The following ATXN1 variants were observed in gnomAD, a reference collection of about 807,000 sequenced individuals.
The protein encoded by ATXN1 is ataxin-1.
A neutral mutation model predicts 56.4 loss-of-function variants in ATXN1; 8 were observed. The ratio of observed to expected loss-of-function variants is 0.14; its 90% confidence interval spans 0.08 to 0.26. The LOEUF (loss-of-function observed/expected upper bound fraction) is 0.26, where lower values mean the gene tolerates loss of function less well. Ranked by LOEUF, ATXN1 falls within the 10% of genes least tolerant of loss-of-function variation. The probability of loss-of-function intolerance (pLI) is 1.00; values close to 1 mark genes in which losing one functional copy is unlikely to be tolerated. For synonymous variants in ATXN1, 514 were observed against 494.6 expected, an observed-to-expected ratio of 1.04 and a Z score of -0.52; for missense variants, 987 against 1,106.5, an observed-to-expected ratio of 0.89 and a Z score of 1.53.
chr6:16,755,945 T>G (rs1760874406), intron 1 of ATXN1, among the ~76,000 whole-genome samples: 1 of 152,154 alleles, frequency 6.6e-6, no homozygotes, highest in Non-Finnish European at 1.5e-5. Context: ...GAAACATTTC[T>G]GCTAACATGA....
chr6:16,687,562 T>A (rs1257852302), intron 2 of ATXN1, among the ~76,000 whole-genome samples: 1 of 149,116 alleles, frequency 6.7e-6, no homozygotes, highest in Non-Finnish European at 1.5e-5. Flanking sequence ...GTAGAAAAAG[T>A]TTAGAAACGG....
Position 16,394,510 on chromosome 6 carries a change from G to A in ATXN1, c.-160-66040C>T, listed in dbSNP as rs189494832. The stretch of plus-strand genomic sequence containing the variant: ...ATATATTGTGTAATGATCAATTCAC[G>A]GTAATTAGCATATTTTTCACTTCAA... On this transcript the variant is annotated intron_variant, in intron 6 of 7. Transcript: ENST00000436367. Among the ~76,000 whole-genome samples, 12 of 152,052 alleles carry A rather than the reference G, an allele frequency of 7.9e-5. No individual in the cohort carries two copies. In the East Asian group the frequency reaches 9.6e-4, roughly 12 times the overall value.
At chr6:16,564,552 C>T (rs1348450984) in intron 4 of ATXN1, among the ~76,000 whole-genome samples, 1 of 152,180 alleles carries the variant, frequency 6.6e-6, no homozygotes, top group East Asian at 1.9e-4. Flanking sequence ...CTGATGTATG[C>T]TGAAATGTGG....
chr6:16,328,144 C>T lies in ATXN1; in HGVS notation c.167G>A (p.Gly56Glu), dbSNP rs1461624485. The T allele has an allele frequency of 3.8e-6, 6 of 1,581,378 alleles. No homozygotes were observed. Among genetic ancestry groups the T allele is most frequent in the East Asian group, 2.2e-5 (1 of 44,466 alleles). The change falls in exon 7 of 8, where the codon GGG becomes GAG. Residue 56 changes from glycine to glutamate, a missense_variant. Physicochemically the swap from Gly to Glu is moderately conservative, Grantham distance 98 (BLOSUM62 -2). Coordinates refer to ENST00000436367, the MANE Select transcript of ATXN1 (RefSeq NM_001128164.2). This position sits in a 1 kb window ranked among gnomAD's most constrained non-coding sequence, Gnocchi z 6.2. ...LPGNPGGRGH[G>E]GGRHGPAGTS... ...CCCTGCCGGCCCATGCCTCCCGCCC[C>T]CGTGGCCCCGGCCACCAGGGTTGCC...
chr6:16,355,761 A>G (rs980541575), intron 6 of ATXN1, among the ~76,000 whole-genome samples: 3 of 152,004 alleles, frequency 2.0e-5, no homozygotes, highest in African/African-American at 7.2e-5. Context: ...ACGGGGTTTC[A>G]CCGTATTGGC....
At position 16,327,152 on chromosome 6, in the gene ATXN1, T is replaced by G; in HGVS notation, c.1159A>C (p.Asn387His). The change falls in exon 7 of 8, where the codon AAC (asparagine) becomes CAC (histidine). Residue 387 changes from asparagine to histidine, a missense_variant. This residue lies in a region of ATXN1 where 723 missense variants were observed against 791.7 expected (regional missense o/e 0.91). Coordinates refer to ENST00000436367, the MANE Select transcript of ATXN1 (RefSeq NM_001128164.2). The part of the protein sequence containing the change: ...GVRASVMVLP[N>H]SNTPAADLEV... ...AGGTCAGCTGCGGGCGTGTTGCTGT[T>G]GGGCAGGACCATCACAGAGGCCCGG... The G allele has an allele frequency of 6.2e-7, 1 of 1,613,732 alleles. No individual in the cohort carries two copies. The highest frequency in any genetic ancestry group is 1.1e-5 in the South Asian group (1 of 91,084).
intron 5 of ATXN1, among the ~76,000 whole-genome samples, chr6:16,509,420 C>A (rs542395865): frequency 6.6e-6 from 1 of 152,156 alleles, no homozygotes; most frequent in African/African-American, 2.4e-5. Context: ...ACAAGGAAGG[C>A]CTCTTGGAGG....
At chr6:16,428,809 C>T (rs1262739162) in intron 6 of ATXN1, among the ~76,000 whole-genome samples, 1 of 152,114 alleles carries the variant, frequency 6.6e-6, no homozygotes, top group Non-Finnish European at 1.5e-5. Context: ...ATGCTTTCTC[C>T]TAACCATAAA....
intron 2 of ATXN1, among the ~76,000 whole-genome samples, chr6:16,701,313 GC>G (rs938324711): frequency 1.3e-4 from 20 of 152,182 alleles, no homozygotes; most frequent in African/African-American, 4.8e-4. Flanking sequence ...GACAAGCATG[GC>G]CACTGTCCAG....
At chr6:16,613,747 T>C (rs986112286) in intron 3 of ATXN1, among the ~76,000 whole-genome samples, 5 of 152,200 alleles carry the variant, frequency 3.3e-5, no homozygotes, top group African/African-American at 4.8e-5. Flanking sequence ...GAGGATTGCT[T>C]GAGCCCAGGG....
chr6:16,516,763 C>T (rs1007725350), intron 5 of ATXN1, among the ~76,000 whole-genome samples: 2 of 152,184 alleles, frequency 1.3e-5, no homozygotes, highest in Non-Finnish European at 2.9e-5. Flanking sequence ...TTGTGCTAGG[C>T]TTTATATTTA....
intron 4 of ATXN1, among the ~76,000 whole-genome samples, chr6:16,537,421 C>G (rs930086272): frequency 4.0e-5 from 6 of 151,834 alleles, no homozygotes; most frequent in Non-Finnish European, 7.4e-5. Flanking sequence ...TTGGGATGTT[C>G]TGGCCGGGCG....
intron 4 of ATXN1, among the ~76,000 whole-genome samples, chr6:16,535,803 G>A (rs146044877): frequency 0.015 from 2,328 of 152,220 alleles, 26 homozygotes; most frequent in Non-Finnish European, 0.024. Context: ...CACAACCTCG[G>A]CTGAGGTCAT....
chr6:16,682,224 T>A lies in ATXN1; in HGVS notation c.-614-24323A>T, dbSNP rs190546358. Among the ~76,000 whole-genome samples, 572 of 150,268 alleles carry A rather than the reference T, an allele frequency of 3.8e-3. 2 individuals carry two copies. Among genetic ancestry groups the A allele is most frequent in the African/African-American group, 0.014 (550 of 40,526 alleles). ...AGAACTTTTTTTTTTTGAGATGGAGTCTCACTCTGTCACCCAGGCTGGAGT... is the reference window on the plus strand; with the variant it reads ...AGAACTTTTTTTTTTTGAGATGGAGACTCACTCTGTCACCCAGGCTGGAGT... On this transcript the variant is annotated intron_variant, in intron 2 of 7. Coordinates refer to ENST00000436367, the MANE Select transcript of ATXN1 (RefSeq NM_001128164.2).
chr6:16,564,483 A>C (rs1037660695), intron 4 of ATXN1, among the ~76,000 whole-genome samples: 5 of 152,230 alleles, frequency 3.3e-5, no homozygotes, highest in African/African-American at 4.8e-5. Flanking sequence ...AAATGAATAA[A>C]CAAAATAAGG....
chr6:16,702,439 T>C (rs1759306671), intron 2 of ATXN1, among the ~76,000 whole-genome samples: 2 of 152,122 alleles, frequency 1.3e-5, no homozygotes, highest in Non-Finnish European at 2.9e-5. Context: ...CGACTTCATG[T>C]CTAAAACACC....
chr6:16,491,345 C>T (rs1210932883), intron 5 of ATXN1, among the ~76,000 whole-genome samples: 18 of 148,388 alleles, frequency 1.2e-4, no homozygotes, highest in East Asian at 3.9e-4. Context: ...AGTGCAATGG[C>T]GCAATCTCAG....
intron 6 of ATXN1, among the ~76,000 whole-genome samples, chr6:16,358,439 G>GT (rs1761737111): frequency 6.6e-6 from 1 of 152,158 alleles, no homozygotes; most frequent in Non-Finnish European, 1.5e-5. Flanking sequence ...ATAAATTATT[G>GT]TATGTATATA....
At chr6:16,697,594 G>A (rs1175578264) in intron 2 of ATXN1, among the ~76,000 whole-genome samples, 6 of 129,444 alleles carry the variant, frequency 4.6e-5, no homozygotes, top group South Asian at 2.7e-4. Context: ...AGTTCCACCC[G>A]CCCCTCCCCC....
Sources: allele counts gnomAD v4.1 joint callset (sites outside exome capture counted in the v4.1 genomes callset), GRCh38; gene constraint gnomAD v4.1.1; regional missense constraint gnomAD v4.1.1; non-coding constraint Gnocchi (gnomAD v3.1); transcripts MANE v1.5; gene names NCBI Gene and HGNC (gene_info 2026-07-23, HGNC 2026-07-21).